DISC1: variants seen among roughly 807,000 people sequenced by gnomAD.
The protein encoded by DISC1 is DISC1 scaffold protein.
Under a neutral mutation model 84.5 loss-of-function variants are expected in DISC1, and 57 were observed. The observed-to-expected ratio is 0.67, with a 90% CI of 0.55 to 0.84. The LOEUF (loss-of-function observed/expected upper bound fraction) is 0.84. DISC1 is among the 40% of genes least tolerant of loss of function. The pLI is 0.00. For synonymous variants in DISC1, 411 were observed against 415.2 expected (o/e 0.99, Z 0.12); for missense variants, 1,000 against 1,057.8 (o/e 0.95, Z 0.76).
rs1573822739 is a variant in DISC1 at position 231,787,607 on chromosome 1, T to C, written c.1635-7635T>C. Among the ~76,000 whole-genome samples, 5 of 152,212 alleles carry C rather than the reference T, an allele frequency of 3.3e-5. No homozygotes were observed. The East Asian group carries it at 9.6e-4, about 29-fold the overall frequency. Reference sequence around the variant, plus strand: ...GTCCCGCCTCTCGACACGGTTGCCTTGGGAATTAAGTTTCCGACACGTGAA... The same window carrying C: ...GTCCCGCCTCTCGACACGGTTGCCTCGGGAATTAAGTTTCCGACACGTGAA... On this transcript the variant is annotated intron_variant, in intron 6 of 12. Transcript: ENST00000439617.
At chr1:232,015,534 T>G (rs1235886816) in intron 11 of DISC1, among the ~76,000 whole-genome samples, 1 of 151,988 alleles carries the variant, frequency 6.6e-6, no homozygotes, top group Admixed American at 6.5e-5. Context: ...GAAAATCAGA[T>G]AGCACCCTGC....
At chr1:231,960,083 G>C (rs184357387) in intron 10 of DISC1, among the ~76,000 whole-genome samples, 1 of 152,168 alleles carries the variant, frequency 6.6e-6, no homozygotes, top group Non-Finnish European at 1.5e-5. Context: ...CCTAACCTTA[G>C]GTAAGTGCTC....
intron 4 of DISC1, among the ~76,000 whole-genome samples, chr1:231,753,744 C>T (rs984792365): frequency 6.6e-6 from 1 of 152,150 alleles, no homozygotes; most frequent in Non-Finnish European, 1.5e-5. Flanking sequence ...TTTGTTTCCT[C>T]TTTAAATATA....
At chr1:231,681,405 TTG>T (rs562016510) in intron 1 of DISC1, among the ~76,000 whole-genome samples, 8,084 of 148,264 alleles carry the variant, frequency 0.055, 648 homozygotes, top group African/African-American at 0.18. Flanking sequence ...TCGTGTGTGT[TTG>T]TGTGTGTGTG....
chr1:231,691,017 A>G (rs2064937835), intron 1 of DISC1, among the ~76,000 whole-genome samples: 1 of 152,018 alleles, frequency 6.6e-6, no homozygotes, highest in Non-Finnish European at 1.5e-5. Flanking sequence ...CCGGCTCATC[A>G]CAGCTTCCCA....
rs574296595 is a variant in DISC1, at chr1:231,811,276, T to C, written c.1793-7053T>C. 2.0e-5 allele frequency among the ~76,000 whole-genome samples: 3 copies of C among 151,766 alleles called. No individual in the cohort carries two copies. In the East Asian group the frequency reaches 5.8e-4, roughly 30 times the overall value. ...GAAGGGACCTCCAGGGAGAAGGGGG[T>C]TGGGGAGGGGAGCAGTTGGCTGGGG... On this transcript the variant is annotated intron_variant, in intron 8 of 12. Transcript: ENST00000439617.
At chr1:231,658,391 G>A (rs953981695) in intron 1 of DISC1, among the ~76,000 whole-genome samples, 2 of 152,106 alleles carry the variant, frequency 1.3e-5, no homozygotes, top group African/African-American at 4.8e-5. Context: ...GAGATGATGG[G>A]GTTTTCTAGA....
chr1:231,713,519 G>T (rs1357694752), intron 3 of DISC1, among the ~76,000 whole-genome samples: 1 of 151,680 alleles, frequency 6.6e-6, no homozygotes, highest in African/African-American at 2.4e-5. Context: ...CTGAAATGAA[G>T]AATTTACTAG....
chr1:231,750,276 G>A, intron 4 of DISC1, 200 bp downstream of exon 4: 1 of 1,379,424 alleles, frequency 7.2e-7, no homozygotes, highest in South Asian at 1.9e-5. Context: ...CTAGAAAGAA[G>A]ACTTTTCTGC....
chr1:231,779,143 C>T (rs1367679311), intron 6 of DISC1, among the ~76,000 whole-genome samples: 1 of 152,168 alleles, frequency 6.6e-6, no homozygotes, highest in East Asian at 1.9e-4. Context: ...TTTTCTTTTT[C>T]TCTAGCGGCT....
At chr1:231,800,035 G>A in intron 7 of DISC1, 73 bp from the exon 8 acceptor site, 3 of 1,115,858 alleles carry the variant, frequency 2.7e-6, no homozygotes, top group South Asian at 2.5e-5. Context: ...AGAAATCTCT[G>A]ACCTGGCTGT....
intron 8 of DISC1, among the ~76,000 whole-genome samples, chr1:231,809,151 T>C (rs148695522): frequency 6.6e-6 from 1 of 152,282 alleles, no homozygotes; most frequent in African/African-American, 2.4e-5. Flanking sequence ...GTCTCTCAGT[T>C]TTTATCTCTC....
intron 6 of DISC1, among the ~76,000 whole-genome samples, chr1:231,780,288 C>A (rs2077321041): frequency 6.7e-6 from 1 of 149,910 alleles, no homozygotes; most frequent in Non-Finnish European, 1.5e-5. Flanking sequence ...AAATAAAGCT[C>A]TCCTTTCTAA....
intron 9 of DISC1, among the ~76,000 whole-genome samples, chr1:231,821,449 CA>C (rs746111406): frequency 1.3e-5 from 2 of 152,112 alleles, no homozygotes; most frequent in Non-Finnish European, 2.9e-5. Context: ...CTTTTGTTGC[CA>C]AGACACAATC....
At chr1:231,674,193 A>G (rs1418545847) in intron 1 of DISC1, among the ~76,000 whole-genome samples, 1 of 152,226 alleles carries the variant, frequency 6.6e-6, no homozygotes, top group Non-Finnish European at 1.5e-5. Flanking sequence ...TGCTCAGTGA[A>G]TTTATGATGC....
intron 4 of DISC1, among the ~76,000 whole-genome samples, chr1:231,766,679 C>T (rs1335802990): frequency 1.3e-5 from 2 of 152,012 alleles, no homozygotes; most frequent in Non-Finnish European, 2.9e-5. Context: ...TATATTTCCC[C>T]AAAATTAATA....
chr1:231,679,205 C>T (rs1013090920), intron 1 of DISC1, among the ~76,000 whole-genome samples: 17 of 152,228 alleles, frequency 1.1e-4, no homozygotes, highest in African/African-American at 4.1e-4. Context: ...CAAGCACTGT[C>T]TTGGACTGCA....
chr1:232,017,391 T>A (rs913768534), intron 11 of DISC1, among the ~76,000 whole-genome samples: 6 of 152,036 alleles, frequency 3.9e-5, no homozygotes, highest in Non-Finnish European at 8.8e-5. Flanking sequence ...ATGTTTTAAA[T>A]TTTTTTAAAA....
chr1:231,942,843 C>G (rs2091429107), intron 9 of DISC1, among the ~76,000 whole-genome samples: 1 of 152,188 alleles, frequency 6.6e-6, no homozygotes, highest in Non-Finnish European at 1.5e-5. Flanking sequence ...CTGCTTCTAC[C>G]AGGAAAATTG....
Sources: gnomAD v4.1 joint callset for allele counts (sites outside exome capture counted in the v4.1 genomes callset) on GRCh38, gnomAD v4.1.1 for gene constraint, MANE v1.5 for transcripts, NCBI Gene and HGNC (gene_info 2026-07-23, HGNC 2026-07-21) for gene names.